The following COL5A2 variants were observed in gnomAD, a reference collection of about 807,000 sequenced individuals.
The protein encoded by COL5A2 is collagen alpha-2(V) chain.
In COL5A2, 23 loss-of-function variants were observed where a neutral mutation model predicts 208.2. The observed-to-expected ratio is 0.11, with a 90% confidence interval of 0.08 to 0.16. COL5A2 has a LOEUF of 0.16. Among genes scored for constraint, COL5A2 ranks in the 10% least tolerant of loss-of-function variants. The pLI, the probability that COL5A2 is intolerant of heterozygous loss-of-function variation, is 1.00. For missense variants in COL5A2, 1,590 were observed against 1,956.4 expected (o/e 0.81, Z 3.53); for synonymous variants, 625 against 628.5 (o/e 0.99, Z 0.08).
chr2:189,109,417 G>A (rs1242714603), intron 2 of COL5A2, among the ~76,000 whole-genome samples: 1 of 151,718 alleles, frequency 6.6e-6, no homozygotes, highest in Non-Finnish European at 1.5e-5. Context: ...TATACATACT[G>A]TTGAAACCTT....
the COL5A2 span, among the ~76,000 whole-genome samples, chr2:189,425,189 A>G: frequency 5.9e-5 from 9 of 152,350 alleles, no homozygotes; most frequent in African/African-American, 1.7e-4. Flanking sequence ...TATCGAAAAG[A>G]CAAAAGATAA....
the COL5A2 span, among the ~76,000 whole-genome samples, chr2:189,389,028 C>A: frequency 1.3e-5 from 2 of 152,062 alleles, no homozygotes; most frequent in Non-Finnish European, 2.9e-5. Flanking sequence ...TCAGGTATCA[C>A]CCGGTTCTAA....
At chr2:189,041,917 C>T (rs1181491759) in intron 49 of COL5A2, among the ~76,000 whole-genome samples, 1 of 152,206 alleles carries the variant, frequency 6.6e-6, no homozygotes, top group Non-Finnish European at 1.5e-5. Context: ...TATGAGTTTA[C>T]ATCTTTAATG....
the COL5A2 span, among the ~76,000 whole-genome samples, chr2:189,264,366 A>G: frequency 6.6e-6 from 1 of 152,298 alleles, no homozygotes; most frequent in Admixed American, 6.5e-5. Context: ...TATACTATGC[A>G]GTCATGAAAA....
the COL5A2 span, among the ~76,000 whole-genome samples, chr2:189,251,355 A>C: frequency 2.0e-5 from 3 of 152,148 alleles, no homozygotes; most frequent in Non-Finnish European, 4.4e-5. Flanking sequence ...TCATTCAGCA[A>C]ATATTAATAA....
chr2:189,372,251 C>G, the COL5A2 span, among the ~76,000 whole-genome samples: 1 of 152,150 alleles, frequency 6.6e-6, no homozygotes, highest in Non-Finnish European at 1.5e-5. Context: ...AGAACAGAGA[C>G]AAGTACTCAA....
At chr2:189,264,439 AG>A in the COL5A2 span, among the ~76,000 whole-genome samples, 1 of 152,170 alleles carries the variant, frequency 6.6e-6, no homozygotes, top group East Asian at 1.9e-4. Context: ...TATAGAAAGA[AG>A]GGAAATTCTA....
intron 1 of COL5A2, among the ~76,000 whole-genome samples, chr2:189,220,672 C>A (rs1387787756): frequency 6.6e-6 from 1 of 152,026 alleles, no homozygotes; most frequent in Non-Finnish European, 1.5e-5. Context: ...TGGAAAAAAT[C>A]AACATCTGTC....
In COL5A2 at chr2:189,086,821, C is replaced by A. The variant is rs1478429085; in HGVS notation, c.646-51G>T. On this transcript the variant is annotated intron_variant, in intron 8 of 53. Coordinates refer to ENST00000374866, the MANE Select transcript of COL5A2 (RefSeq NM_000393.5). The stretch of plus-strand genomic sequence containing the variant: ...TGCAAAGTACTCATGACAATTAGGT[C>A]AAATATTTCAAAAATGTTGAATCAT... The A allele has an allele frequency of 2.1e-6, 3 of 1,431,520 alleles. No homozygotes were observed. In the South Asian group the frequency reaches 3.7e-5, roughly 17 times the overall value. 88.7% of individuals were successfully genotyped at this position (1,431,520 alleles called of 1,614,324 possible).
upstream of COL5A2, among the ~76,000 whole-genome samples, chr2:189,183,563 A>G (rs1031724619): frequency 8.5e-5 from 13 of 152,210 alleles, no homozygotes; most frequent in South Asian, 1.0e-3. Context: ...CCAAAATGAA[A>G]CTATTATCTG....
At chr2:189,355,713 G>A in the COL5A2 span, among the ~76,000 whole-genome samples, 8 of 152,102 alleles carry the variant, frequency 5.3e-5, no homozygotes, top group Non-Finnish European at 1.5e-5. Context: ...GCACACTAAT[G>A]GGTCTTGACT....
the COL5A2 span, among the ~76,000 whole-genome samples, chr2:189,245,832 A>G: frequency 1.3e-5 from 2 of 152,226 alleles, no homozygotes; most frequent in African/African-American, 4.8e-5. Context: ...TTGGTAGAGT[A>G]AGAGTTGAAA....
intron 1 of COL5A2, among the ~76,000 whole-genome samples, chr2:189,166,090 T>G (rs13031549): frequency 0.5 from 76,419 of 152,034 alleles, 23,227 homozygotes; most frequent in East Asian, 0.72. Flanking sequence ...AAGACATCAC[T>G]TAGATATGGT....
the COL5A2 span, among the ~76,000 whole-genome samples, chr2:189,326,494 T>C: frequency 4.0e-5 from 6 of 151,736 alleles, no homozygotes; most frequent in East Asian, 2.0e-4. Flanking sequence ...CTGGGCAACA[T>C]AGTGAGACCA....
Position 189,079,122 on chromosome 2 carries a change from G to A in COL5A2, c.961-15C>T, listed in dbSNP as rs537869034. The A allele has an allele frequency of 2.5e-6, 4 of 1,607,052 alleles. No individual in the cohort carries two copies. The African/African-American group carries it at 5.3e-5, about 21-fold the overall frequency. ...CCAGCTTCACCCTAAAAAAAAATGAGAATACATTACAGTATGAGAAGCCTA... is the reference window on the plus strand; with the variant it reads ...CCAGCTTCACCCTAAAAAAAAATGAAAATACATTACAGTATGAGAAGCCTA... On this transcript the variant is annotated splice_polypyrimidine_tract_variant and intron_variant, in intron 14 of 53. Coordinates refer to ENST00000374866, the MANE Select transcript of COL5A2 (RefSeq NM_000393.5).
rs184049626 is a variant in COL5A2 at position 189,124,592 on chromosome 2, A to T, written c.98-14143T>A. Among the ~76,000 whole-genome samples the T allele has an allele frequency of 2.7e-3, 414 of 152,284 alleles. 2 individuals are homozygous for T. Among genetic ancestry groups the T allele is most frequent in the African/African-American group, 9.3e-3 (387 of 41,578 alleles). On this transcript the variant is annotated intron_variant, in intron 1 of 53. Coordinates refer to ENST00000374866, the MANE Select transcript of COL5A2 (RefSeq NM_000393.5). ...AAAAAAGTCACTGAGGAAAAATTCA[A>T]TAAAATTCAACATTATAAAATGCAA...
chr2:189,148,427 G>A (rs746040485), intron 1 of COL5A2, among the ~76,000 whole-genome samples: 4 of 152,086 alleles, frequency 2.6e-5, no homozygotes, highest in Non-Finnish European at 5.9e-5. Flanking sequence ...TAAGAACTCT[G>A]GATGAATCCA....
rs899482750 is a variant in COL5A2, at chr2:189,151,993, T to A, written c.97+27515A>T. Among the ~76,000 whole-genome samples the A allele has an allele frequency of 3.9e-5, 6 of 152,164 alleles. No individual in the cohort carries two copies. In the South Asian group the frequency reaches 8.3e-4, roughly 21 times the overall value. ...CTTACTTCATAGCTTAAAAAATTAA[T>A]CTCTGTTTTTGAGTCAGTAGAGGGA... On this transcript the variant is annotated intron_variant, in intron 1 of 53. Transcript: ENST00000374866.
chr2:189,245,482 A>ATT, the COL5A2 span, among the ~76,000 whole-genome samples: 133 of 124,128 alleles, frequency 1.1e-3, no homozygotes, highest in African/African-American at 3.8e-3. Context: ...TATACTCAAA[A>ATT]TTTTTTTTTT....
Sources: allele counts gnomAD v4.1 joint callset (sites outside exome capture counted in the v4.1 genomes callset), GRCh38; gene constraint gnomAD v4.1.1; transcripts MANE v1.5; gene names NCBI Gene and HGNC (gene_info 2026-07-23, HGNC 2026-07-21).